Variants in FLYWCH1 observed in about 807,000 individuals in gnomAD.
FLYWCH1 encodes FLYWCH-type zinc finger 1, also known as FLYWCH-type zinc finger-containing protein 1.
FLYWCH1 carries 75 observed loss-of-function variants against 66.4 expected under a neutral mutation model. That is an observed-to-expected ratio of 1.13 (90% confidence interval 0.94 to 1.37). FLYWCH1 has a LOEUF of 1.37. Ranked by LOEUF, FLYWCH1 falls within the 40% of genes most tolerant of loss-of-function variation. The pLI, the probability that FLYWCH1 is intolerant of heterozygous loss-of-function variation, is 0.00. For synonymous variants in FLYWCH1, 595 were observed against 429.9 expected (o/e 1.38, Z -4.75); for missense variants, 1,334 against 1,001.8 (o/e 1.33, Z -4.48).
At chr16:2,938,016 G>A (rs549023776) in intron 7 of FLYWCH1, among the ~76,000 whole-genome samples, 168 bp from the exon 8 acceptor site, 242 of 152,298 alleles carry the variant, frequency 1.6e-3, no homozygotes, top group African/African-American at 5.2e-3. Context: ...CAGCCAGCGT[G>A]GGAGTCTGGG....
Position 2,925,984 on chromosome 16 carries a change from T to C in FLYWCH1, c.-73-3629T>C, listed in dbSNP as rs563518203. On this transcript the variant is annotated intron_variant, in intron 2 of 9. Coordinates refer to ENST00000253928, the MANE Select transcript of FLYWCH1 (RefSeq NM_001308068.2). ...GCTGAAAATGTCAGGGACTGCAGTC[T>C]CGATTCCAGGCTGAGAGGTGGGAAA... is the stretch of plus-strand genomic sequence containing the variant. 3.2e-3 allele frequency among the ~76,000 whole-genome samples: 490 copies of C among 152,200 alleles called. 1 individual carries two copies. The highest frequency in any genetic ancestry group is 0.012 in the African/African-American group (481 of 41,510).
chr16:2,929,703 C>T lies in FLYWCH1; in HGVS notation c.18C>T (p.Pro6=), dbSNP rs2150945159. The change falls in exon 3 of 10, where the codon CCC becomes CCT. Residue 6 remains proline (P), a synonymous_variant. Transcript: ENST00000253928. ...GTCCCGGGATGCCCCTGCCCGAGCC[C>T]AGCGAGCAGGAGGGCGAGAGTGTGA... is the stretch of plus-strand genomic sequence containing the variant. The part of the protein sequence containing the change: MPLPE[P]SEQEGESVKA... The T allele has an allele frequency of 6.2e-7, 1 of 1,612,438 alleles. No individual in the cohort carries two copies. Among genetic ancestry groups the T allele is most frequent in the African/African-American group, 1.3e-5 (1 of 75,024 alleles).
chr16:2,933,193 C>G lies in FLYWCH1; in HGVS notation c.860C>G (p.Ser287Trp), dbSNP rs764766505. The change falls in exon 5 of 10, where the codon TCG becomes TGG. Residue 287 changes from serine to tryptophan, a missense_variant. Ser to Trp is a radical substitution (Grantham distance 177). Transcript: ENST00000253928. ...GGGGGCAGCTTCCTGGTACACGAGT[C>G]GTTCCTCTACAAGCGGGAGAAGGCT... ...CYGGSFLVHE[S>W]FLYKREKAVG... The G allele has an allele frequency of 1.9e-6, 3 of 1,613,664 alleles. No individual in the cohort carries two copies. Among genetic ancestry groups the G allele is most frequent in the Admixed American group, 1.7e-5 (1 of 59,984 alleles).
At position 2,949,186 on chromosome 16, in the gene FLYWCH1, C is replaced by G. The variant is rs1458706188; in HGVS notation, c.*459C>G. The stretch of plus-strand genomic sequence containing the variant: ...AGTTCCTGCTTCAAACTGAGCTGCC[C>G]CGCATAGGCCAGGTCAACCCACACC... On this transcript the variant is annotated 3_prime_UTR_variant, in exon 10 of 10. Transcript: ENST00000253928. 5.5e-6 allele frequency: 1 copy of G among 182,982 alleles called. No individual in the cohort carries two copies. Among genetic ancestry groups the G allele is most frequent in the Non-Finnish European group, 1.1e-5 (1 of 87,554 alleles). 11.3% of individuals were successfully genotyped at this position (182,982 alleles called of 1,614,324 possible).
intron 9 of FLYWCH1, among the ~76,000 whole-genome samples, chr16:2,945,813 T>G (rs9921131): frequency 4.0e-5 from 6 of 151,884 alleles, no homozygotes; most frequent in East Asian, 1.9e-4. Flanking sequence ...CTGGCTAACA[T>G]GGTGAAATCC....
intron 2 of FLYWCH1, among the ~76,000 whole-genome samples, chr16:2,917,941 A>T (rs895714121): frequency 2.0e-5 from 3 of 149,768 alleles, no homozygotes; most frequent in East Asian, 2.0e-4. Flanking sequence ...GGTTCAAGCA[A>T]TTCTCCCTGC....
At chr16:2,934,314 G>A (rs563247770) in intron 6 of FLYWCH1, among the ~76,000 whole-genome samples, 11 of 152,266 alleles carry the variant, frequency 7.2e-5, no homozygotes, top group Non-Finnish European at 1.2e-4. Flanking sequence ...GGTCAGTCTC[G>A]TTGCTATGGT....
At chr16:2,941,282 G>C (rs1266075428) in intron 9 of FLYWCH1, among the ~76,000 whole-genome samples, 1 of 150,952 alleles carries the variant, frequency 6.6e-6, no homozygotes, top group Admixed American at 6.6e-5. Context: ...GCATGACCCT[G>C]TGTGTAATTT....
At chr16:2,926,554 C>G (rs11643347) in intron 2 of FLYWCH1, among the ~76,000 whole-genome samples, 7,355 of 152,174 alleles carry the variant, frequency 0.048, 266 homozygotes, top group Middle Eastern at 0.1. Flanking sequence ...GCCTCAGGGC[C>G]TGGGAAAAAA....
chr16:2,940,081 G>A lies in FLYWCH1; in HGVS notation c.2100G>A (p.Gln700=), dbSNP rs1192308760. ...TCAAGACGTGTTCTCCTGAAAGCCAGCAGATTTATGGGTAATTGTATTTGT... is the reference window on the plus strand; with the variant it reads ...TCAAGACGTGTTCTCCTGAAAGCCAACAGATTTATGGGTAATTGTATTTGT... ...LCFKTCSPES[Q]QIYGDIKDVR... The change falls in exon 9 of 10, where the codon CAG becomes CAA. Residue 700 remains glutamine, a synonymous_variant. Transcript: ENST00000253928. 1.1e-5 allele frequency: 15 copies of A among 1,361,076 alleles called. No individual in the cohort carries two copies. The East Asian group carries it at 3.4e-4, about 31-fold the overall frequency. The allele number at this position is 1,361,076 out of a possible 1,614,324, so 84.3% of individuals were successfully genotyped here.
chr16:2,920,751 G>A (rs995298266), intron 2 of FLYWCH1, among the ~76,000 whole-genome samples: 7 of 151,640 alleles, frequency 4.6e-5, no homozygotes, highest in Non-Finnish European at 1.5e-5. Flanking sequence ...ATGTTGGTCG[G>A]GCTGGTCTCA....
intron 2 of FLYWCH1, among the ~76,000 whole-genome samples, chr16:2,917,097 A>G (rs2070195572): frequency 6.6e-6 from 1 of 151,340 alleles, no homozygotes; most frequent in African/African-American, 2.4e-5. Context: ...CAGAAGTTGC[A>G]GTGAGCCGAG....
chr16:2,948,848 G>C lies in FLYWCH1; in HGVS notation c.*121G>C, dbSNP rs569454891. ...CTTCTTTTCATTCTTCCAAAGCATCGATGGTCTTCGCGTCTCCTCAGGAGG... is the reference window on the plus strand; with the variant it reads ...CTTCTTTTCATTCTTCCAAAGCATCCATGGTCTTCGCGTCTCCTCAGGAGG... On this transcript the variant is annotated 3_prime_UTR_variant, in exon 10 of 10. Coordinates refer to ENST00000253928, the MANE Select transcript of FLYWCH1 (RefSeq NM_001308068.2). 7.0e-6 allele frequency: 6 copies of C among 862,254 alleles called. No individual in the cohort carries two copies. In the African/African-American group the frequency reaches 1.0e-4, roughly 14 times the overall value. 53.4% of individuals were successfully genotyped at this position (862,254 alleles called of 1,614,324 possible). A position where few individuals can be genotyped will look rare whatever the true frequency, so the allele number is the denominator to read the frequency against.
chr16:2,930,963 G>T, intron 4 of FLYWCH1, 83 bp downstream of exon 4: 1 of 1,025,618 alleles, frequency 9.8e-7, no homozygotes, highest in Non-Finnish European at 1.4e-6. Flanking sequence ...GAAATGTGGG[G>T]TCCCACAGGG....
At chr16:2,938,993 T>C (rs1157103137) in intron 8 of FLYWCH1, among the ~76,000 whole-genome samples, 5 of 150,808 alleles carry the variant, frequency 3.3e-5, no homozygotes, top group African/African-American at 7.3e-5. Flanking sequence ...CTGCAACCTC[T>C]GCCTCCTGGG....
intron 2 of FLYWCH1, among the ~76,000 whole-genome samples, chr16:2,921,882 T>G (rs988101655): frequency 3.3e-5 from 5 of 151,018 alleles, no homozygotes; most frequent in Non-Finnish European, 7.4e-5. Flanking sequence ...GCCAATATGG[T>G]GAAACCCCAT....
chr16:2,930,544 G>A lies in FLYWCH1; in HGVS notation c.460G>A (p.Gly154Ser), dbSNP rs768987360. The A allele has an allele frequency of 1.0e-5, 16 of 1,549,386 alleles. No homozygotes were observed. The highest frequency in any genetic ancestry group is 1.4e-5 in the African/African-American group (1 of 72,446). The change falls in exon 4 of 10, where the codon GGC (glycine) becomes AGC (serine). Residue 154 changes from glycine (G) to serine (S), a missense_variant. Coordinates refer to ENST00000253928, the MANE Select transcript of FLYWCH1 (RefSeq NM_001308068.2). ...YWKCRQHAEL[G>S]CRGRAITRGL... ...GAAGTGCCGCCAACATGCTGAGCTG[G>A]GCTGCCGGGGCCGGGCCATCACCCG...
At chr16:2,938,783 T>A (rs2071136183) in intron 8 of FLYWCH1, among the ~76,000 whole-genome samples, 1 of 149,448 alleles carries the variant, frequency 6.7e-6, no homozygotes. Context: ...CAGCTAATTT[T>A]TTGTATTTTT....
chr16:2,912,613 G>A (rs1490215742), intron 1 of FLYWCH1, among the ~76,000 whole-genome samples: 1 of 152,218 alleles, frequency 6.6e-6, no homozygotes, highest in African/African-American at 2.4e-5. Flanking sequence ...TTTTACGCGT[G>A]TACTCTGTGC....
Sources: allele counts gnomAD v4.1 joint callset (sites outside exome capture counted in the v4.1 genomes callset), GRCh38; gene constraint gnomAD v4.1.1; transcripts MANE v1.5; gene names NCBI Gene and HGNC (gene_info 2026-07-23, HGNC 2026-07-21).